IGSF21: variants seen among roughly 807,000 people sequenced by gnomAD.
The protein encoded by IGSF21 is immunoglobulin superfamily member 21.
A neutral mutation model predicts 46.8 loss-of-function variants in IGSF21; 28 were observed. The observed-to-expected ratio is 0.60, with a 90% CI of 0.44 to 0.82. The LOEUF is 0.82. Among genes scored for constraint, IGSF21 ranks in the 40% least tolerant of loss-of-function variants. The pLI, the probability that IGSF21 is intolerant of heterozygous loss-of-function variation, is 0.00. For missense variants in IGSF21, 624 were observed against 665.5 expected, an observed-to-expected ratio of 0.94 and a Z score of 0.69; for synonymous variants, 284 against 273.6, an observed-to-expected ratio of 1.04 and a Z score of -0.38.
chr1:18,291,781 C>A, intron 2 of IGSF21, 85 bp from the exon 3 acceptor site: 1 of 1,514,754 alleles, frequency 6.6e-7, no homozygotes, highest in Non-Finnish European at 9.0e-7. Context: ...GGGCTTCCTG[C>A]CTGCATCTTG....
chr1:18,228,263 C>T (rs2084589884), intron 2 of IGSF21, among the ~76,000 whole-genome samples: 1 of 152,154 alleles, frequency 6.6e-6, no homozygotes, highest in South Asian at 2.1e-4. Context: ...TGGAAAACTC[C>T]ATTAGGCAAA....
intron 2 of IGSF21, among the ~76,000 whole-genome samples, chr1:18,239,359 G>A (rs985281774): frequency 6.6e-6 from 1 of 152,038 alleles, no homozygotes; most frequent in Non-Finnish European, 1.5e-5. Context: ...TTGGGTGTGA[G>A]CTCCCACAGG....
chr1:18,204,603 T>C (rs2087107733), intron 1 of IGSF21, among the ~76,000 whole-genome samples: 1 of 152,022 alleles, frequency 6.6e-6, no homozygotes, highest in Non-Finnish European at 1.5e-5. Context: ...GGAGAGGGGC[T>C]AGAGAAGGCT....
intron 3 of IGSF21, among the ~76,000 whole-genome samples, chr1:18,313,222 TGA>T (rs2124586512): frequency 6.6e-6 from 1 of 152,150 alleles, no homozygotes; most frequent in African/African-American, 2.4e-5. Context: ...GGGCTTCAAA[TGA>T]GAGAGGCTTG....
At chr1:18,177,926 G>C (rs2086818685) in intron 1 of IGSF21, among the ~76,000 whole-genome samples, 1 of 152,106 alleles carries the variant, frequency 6.6e-6, no homozygotes, top group Admixed American at 6.6e-5. Flanking sequence ...TTATCTGAAG[G>C]GGCAGGGGTG....
At chr1:18,355,788 A>G (rs2086010099) in intron 4 of IGSF21, among the ~76,000 whole-genome samples, 1 of 149,844 alleles carries the variant, frequency 6.7e-6, no homozygotes, top group African/African-American at 2.5e-5. Context: ...ATGTGTCTGT[A>G]AGTGGTTTGT....
chr1:18,322,372 T>C lies in IGSF21; in HGVS notation c.306-12520T>C, dbSNP rs2085611706. ...CCTTCCACGCCCGTCTTCCCTCTTC[T>C]GGTGGAGGCAGGCTTGGTTCCAACA... On this transcript the variant is annotated intron_variant, in intron 3 of 9. Transcript: ENST00000251296. The surrounding 1 kb of genome is among the most constrained non-coding windows in gnomAD (Gnocchi z 4.3). Among the ~76,000 whole-genome samples the C allele has an allele frequency of 6.6e-6, 1 of 152,122 alleles. No individual in the cohort carries two copies. The highest frequency in any genetic ancestry group is 2.1e-4 in the South Asian group (1 of 4,818).
chr1:18,301,734 G>A (rs575674290), intron 3 of IGSF21, among the ~76,000 whole-genome samples: 3 of 152,260 alleles, frequency 2.0e-5, no homozygotes, highest in East Asian at 1.9e-4. Flanking sequence ...ACACATGTGC[G>A]TGTGTACACA....
chr1:18,159,286 G>T (rs2086595103), intron 1 of IGSF21, among the ~76,000 whole-genome samples: 2 of 152,178 alleles, frequency 1.3e-5, no homozygotes, highest in East Asian at 3.9e-4. Context: ...GAGAAAGCAG[G>T]CAATAGGGAG....
chr1:18,201,185 G>A (rs1036537497), intron 1 of IGSF21, among the ~76,000 whole-genome samples: 1 of 152,126 alleles, frequency 6.6e-6, no homozygotes, highest in Non-Finnish European at 1.5e-5. Context: ...TCTCAGCATG[G>A]GTGAGCAGCC....
intron 1 of IGSF21, among the ~76,000 whole-genome samples, chr1:18,121,191 A>G (rs1225723659): frequency 6.6e-6 from 1 of 152,134 alleles, no homozygotes; most frequent in Admixed American, 6.5e-5. Flanking sequence ...GGGGGAAGGG[A>G]AGATACTCTT....
At chr1:18,187,464 C>T (rs142406894) in intron 1 of IGSF21, among the ~76,000 whole-genome samples, 5 of 152,198 alleles carry the variant, frequency 3.3e-5, no homozygotes, top group East Asian at 3.9e-4. Flanking sequence ...TCTTACATGG[C>T]GACAGCAGCA....
rs370954105 is a variant in IGSF21, at chr1:18,220,297, T to C, written c.71-7601T>C. ...CCTCTGTTGGATGCAGTTCTGATGC[T>C]TGGTTTCATGGGAGGCTGTTGGATA... On this transcript the variant is annotated intron_variant, in intron 1 of 9. Transcript: ENST00000251296. 3.3e-5 allele frequency among the ~76,000 whole-genome samples: 5 copies of C among 152,214 alleles called. No homozygotes were observed. The East Asian group carries it at 9.8e-4, about 30-fold the overall frequency.
At chr1:18,320,564 G>A (rs1353012951) in intron 3 of IGSF21, among the ~76,000 whole-genome samples, 1 of 152,196 alleles carries the variant, frequency 6.6e-6, no homozygotes, top group African/African-American at 2.4e-5. Flanking sequence ...CTCCTGTGGG[G>A]GCCCCAGGCC....
chr1:18,300,402 G>C (rs2085349750), intron 3 of IGSF21, among the ~76,000 whole-genome samples: 1 of 152,212 alleles, frequency 6.6e-6, no homozygotes, highest in South Asian at 2.1e-4. Flanking sequence ...TCTAATTGTT[G>C]CTGGTCCCTA....
intron 1 of IGSF21, among the ~76,000 whole-genome samples, chr1:18,200,217 T>C (rs1462166509): frequency 6.6e-6 from 1 of 152,234 alleles, no homozygotes; most frequent in Non-Finnish European, 1.5e-5. Flanking sequence ...AACAAGCCTA[T>C]CTGTCTCCTG....
chr1:18,350,368 G>A (rs2085939850), intron 4 of IGSF21, among the ~76,000 whole-genome samples: 1 of 152,170 alleles, frequency 6.6e-6, no homozygotes, highest in Non-Finnish European at 1.5e-5. Context: ...GCCAAGGGAA[G>A]AGGCCTCAGG....
At chr1:18,371,264 G>A (rs1177723895) in intron 6 of IGSF21, among the ~76,000 whole-genome samples, 1 of 152,136 alleles carries the variant, frequency 6.6e-6, no homozygotes, top group Admixed American at 6.5e-5. Flanking sequence ...CATTAGCATG[G>A]ATGGAGCTCA....
At chr1:18,250,086 A>ACTCCCTCC (rs2084824191) in intron 2 of IGSF21, among the ~76,000 whole-genome samples, 1 of 39,634 alleles carries the variant, frequency 2.5e-5, no homozygotes, top group African/African-American at 1.1e-4. Context: ...TCCATCCCCC[A>ACTCCCTCC]CTCCCTCCCT....
Sources: allele counts gnomAD v4.1 joint callset (sites outside exome capture counted in the v4.1 genomes callset), GRCh38; gene constraint gnomAD v4.1.1; non-coding constraint Gnocchi (gnomAD v3.1); transcripts MANE v1.5; gene names NCBI Gene and HGNC (gene_info 2026-07-23, HGNC 2026-07-21).